Variants in CELSR1 observed in about 807,000 individuals in gnomAD.
The protein encoded by CELSR1 is adhesion G protein-coupled receptor C1.
Under a neutral mutation model 249.1 loss-of-function variants are expected in CELSR1, and 110 were observed. The observed-to-expected ratio is 0.44, with a 90% CI of 0.38 to 0.52. The LOEUF (loss-of-function observed/expected upper bound fraction) is 0.52, where lower values mean the gene tolerates loss of function less well. Among genes scored for constraint, CELSR1 ranks in the 20% least tolerant of loss-of-function variants. The pLI is 0.00. For missense variants in CELSR1, 4,109 were observed against 4,296.4 expected (o/e 0.96, Z 1.22); for synonymous variants, 2,113 against 1,900.0 (o/e 1.11, Z -2.92).
At position 46,366,345 on chromosome 22, in the gene CELSR1, G is replaced by A. The variant is rs1450693680; in HGVS notation, c.8300+41C>T. Reference sequence around the variant, plus strand: ...GGTGGCAGGGGCAAAACCTGAGGGAGTTCGAGAGCCACCTCCCCGAACCCG... The same window carrying A: ...GGTGGCAGGGGCAAAACCTGAGGGAATTCGAGAGCCACCTCCCCGAACCCG... On this transcript the variant is annotated intron_variant, in intron 30 of 34. Transcript: ENST00000674500. 44 of 1,463,540 alleles carry A rather than the reference G, an allele frequency of 3.0e-5. 1 individual carries two copies. The East Asian group carries it at 1.2e-3, about 40-fold the overall frequency. 90.7% of individuals were successfully genotyped at this position (1,463,540 alleles called of 1,614,324 possible).
rs1225118589 is a variant in CELSR1, at chr22:46,399,250, C to A, written c.5412+467G>T. 6.6e-6 allele frequency among the ~76,000 whole-genome samples: 1 copy of A among 152,196 alleles called. No homozygotes were observed. The highest frequency in any genetic ancestry group is 2.4e-5 in the African/African-American group (1 of 41,454). ...CCGAACATTGTCTGGGATACCACCA[C>A]CTGCCTGCCTGGGACATGTGTGGCT... On this transcript the variant is annotated intron_variant, in intron 10 of 34. Transcript: ENST00000674500. This position sits in a 1 kb window ranked among gnomAD's most constrained non-coding sequence, Gnocchi z 5.0.
At chr22:46,502,727 G>A (rs750237751) in intron 1 of CELSR1, among the ~76,000 whole-genome samples, 1 of 152,104 alleles carries the variant, frequency 6.6e-6, no homozygotes, top group Non-Finnish European at 1.5e-5. Flanking sequence ...CAAACCTGAG[G>A]TCACCAGGCA....
intron 26 of CELSR1, 29 bp downstream of exon 26, chr22:46,369,663 C>G: frequency 6.3e-7 from 1 of 1,595,342 alleles, no homozygotes; most frequent in Non-Finnish European, 8.6e-7. Context: ...TTTGGGGCAC[C>G]CGGACTCCCG....
chr22:46,536,808 G>C lies in CELSR1; in HGVS notation c.363C>G (p.Cys121Trp). The change falls in exon 1 of 35, where the codon TGC (cysteine) becomes TGG (tryptophan). Residue 121 changes from cysteine to tryptophan, a missense_variant. Around this residue, in one of 7 missense-constraint regions of CELSR1, gnomAD observed 673 missense variants for 636.8 expected, o/e 1.06. Transcript: ENST00000674500. ...CCCCGCAGAGCCGGGCACCGGTTCC[G>C]CAGAGCCGGGCACGGGCTCCGCAGC... ...LPGCGARARL[C>W]GTGARLCGAL... 8.3e-7 allele frequency: 1 copy of C among 1,198,156 alleles called. No individual in the cohort carries two copies. Among genetic ancestry groups the C allele is most frequent in the Non-Finnish European group, 1.0e-6 (1 of 967,972 alleles). 74.2% of individuals were successfully genotyped at this position (1,198,156 alleles called of 1,614,324 possible).
chr22:46,513,357 C>T (rs1036480232), intron 1 of CELSR1, among the ~76,000 whole-genome samples: 14 of 152,146 alleles, frequency 9.2e-5, no homozygotes, highest in Non-Finnish European at 1.9e-4. Flanking sequence ...AAAGCATTCC[C>T]CACGTGGGGT....
rs2079500328 is a variant in CELSR1, at chr22:46,423,381, G to A, written c.4611+10012C>T. 6.6e-6 allele frequency among the ~76,000 whole-genome samples: 1 copy of A among 151,788 alleles called. No homozygotes were observed. Among genetic ancestry groups the A allele is most frequent in the Non-Finnish European group, 1.5e-5 (1 of 67,942 alleles). ...CCCAGCACTTTGGGAGGCCGAGGGG[G>A]GCAGATCACCTGAGGTCAGGAGTTC... On this transcript the variant is annotated intron_variant, in intron 5 of 34. Coordinates refer to ENST00000674500, the MANE Select transcript of CELSR1 (RefSeq NM_001378328.1). The surrounding 1 kb of genome is among the most constrained non-coding windows in gnomAD (Gnocchi z 5.6).
chr22:46,536,520 G>A lies in CELSR1; in HGVS notation c.651C>T (p.Pro217=), dbSNP rs1160173166. Residue 217 remains proline (P), a synonymous_variant, in exon 1 of 35, where the codon CCC becomes CCT. Transcript: ENST00000674500. ...TPSASPSPSP[P]LPPNLPEARA... The stretch of plus-strand genomic sequence containing the variant: ...GGGCTTCGGGCAAGTTCGGCGGCAG[G>A]GGCGGCGATGGGGATGGCGACGCGG... 9.5e-6 allele frequency: 14 copies of A among 1,473,946 alleles called. No homozygotes were observed. The highest frequency in any genetic ancestry group is 1.3e-5 in the Non-Finnish European group (14 of 1,118,184). The allele number at this position is 1,473,946 out of a possible 1,614,324, so 91.3% of individuals were successfully genotyped here.
Position 46,537,469 on chromosome 22 carries a change from C to CGGCTCCAGGT in CELSR1, c.-309_-300dup, listed in dbSNP as rs1190507937. Among the ~76,000 whole-genome samples the CGGCTCCAGGT allele has an allele frequency of 6.7e-6, 1 of 149,216 alleles. No homozygotes were observed. The highest frequency in any genetic ancestry group is 1.5e-5 in the Non-Finnish European group (1 of 67,196). ...CTGCGGCGGCGGCGGCGGCTCCAGG[C>CGGCTCCAGGT]GGCTCCAGGTGGCTCCGGCGCGGGC... On this transcript the variant is annotated 5_prime_UTR_variant, in exon 1 of 35. Transcript: ENST00000674500. The surrounding 1 kb of genome is among the most constrained non-coding windows in gnomAD (Gnocchi z 5.8).
At chr22:46,524,790 A>G (rs1396208766) in intron 1 of CELSR1, among the ~76,000 whole-genome samples, 1 of 152,148 alleles carries the variant, frequency 6.6e-6, no homozygotes. Flanking sequence ...GTTTTCCTGA[A>G]AAATGCCCAT....
chr22:46,514,191 G>A (rs1027211446), intron 1 of CELSR1, among the ~76,000 whole-genome samples: 3 of 152,076 alleles, frequency 2.0e-5, no homozygotes, highest in Non-Finnish European at 4.4e-5. Flanking sequence ...AGAATCATCT[G>A]ACCTTGACTG....
At chr22:46,415,047 C>G (rs1478323469) in intron 5 of CELSR1, among the ~76,000 whole-genome samples, 1 of 152,214 alleles carries the variant, frequency 6.6e-6, no homozygotes, top group Non-Finnish European at 1.5e-5. Context: ...TGACTCCATT[C>G]CTACACAATG....
At chr22:46,382,896 A>G (rs1195905723) in intron 20 of CELSR1, among the ~76,000 whole-genome samples, 1 of 152,106 alleles carries the variant, frequency 6.6e-6, no homozygotes, top group Non-Finnish European at 1.5e-5. Context: ...TGGGGAGGAG[A>G]GTTAGTGTTT....
At chr22:46,379,023 C>T (rs776493523) in intron 22 of CELSR1, among the ~76,000 whole-genome samples, 7 of 152,220 alleles carry the variant, frequency 4.6e-5, no homozygotes, top group Non-Finnish European at 1.0e-4. Flanking sequence ...CAAGGAGCAC[C>T]CTCTGAAGTT....
chr22:46,523,864 C>A (rs9616036), intron 1 of CELSR1, among the ~76,000 whole-genome samples: 43,181 of 152,018 alleles, frequency 0.28, 7,351 homozygotes, highest in African/African-American at 0.48. Flanking sequence ...CATAAGAGAC[C>A]CCACAAGGAC....
chr22:46,423,605 C>CAAA lies in CELSR1; in HGVS notation c.4611+9787_4611+9788insTTT, dbSNP rs1555914495. On this transcript the variant is annotated intron_variant, in intron 5 of 34. Coordinates refer to ENST00000674500, the MANE Select transcript of CELSR1 (RefSeq NM_001378328.1). This position sits in a 1 kb window ranked among gnomAD's most constrained non-coding sequence, Gnocchi z 5.6. ...GGGCAACAGGAGCGAAACTTCGTCT[C>CAAA]AGAAAAAAAAAAAAAAAAAGACTCC... Among the ~76,000 whole-genome samples the CAAA allele has an allele frequency of 1.1e-5, 1 of 93,290 alleles. No individual in the cohort carries two copies. The highest frequency in any genetic ancestry group is 6.0e-5 in the African/African-American group (1 of 16,790). 61.2% of individuals were successfully genotyped at this position (93,290 alleles called of 152,430 possible).
chr22:46,444,865 C>T (rs1371929635), intron 2 of CELSR1, among the ~76,000 whole-genome samples: 2 of 152,204 alleles, frequency 1.3e-5, no homozygotes. Flanking sequence ...TCTCCAATCT[C>T]TGCTCTGTCC....
In CELSR1 at chr22:46,391,637, A is replaced by G; in HGVS notation, c.6144T>C (p.Cys2048=). The G allele has an allele frequency of 1.3e-6, 2 of 1,597,616 alleles. No individual in the cohort carries two copies. Among genetic ancestry groups the G allele is most frequent in the Non-Finnish European group, 8.5e-7 (1 of 1,175,254 alleles). The part of the protein sequence containing the change: ...NPFAEVTTLG[C]EVIYNGCPKA... ...GTGTCGAGGGGCAACGCGGACCTTC[A>G]CAGCCGAGCGTGGTGACCTCGGCAA... Residue 2048 remains cysteine (C), a synonymous_variant, in exon 15 of 35, where the codon TGT becomes TGC. Coordinates refer to ENST00000674500, the MANE Select transcript of CELSR1 (RefSeq NM_001378328.1). The surrounding 1 kb of genome is among the most constrained non-coding windows in gnomAD (Gnocchi z 4.3).
At position 46,372,952 on chromosome 22, in the gene CELSR1, G is replaced by A. The variant is rs767211972; in HGVS notation, c.7690C>T (p.Arg2564Cys). 8 of 1,613,354 alleles carry A rather than the reference G, an allele frequency of 5.0e-6. No individual in the cohort carries two copies. The highest frequency in any genetic ancestry group is 2.2e-5 in the East Asian group (1 of 44,874). The change falls in exon 25 of 35, where the codon CGC (arginine) becomes TGC (cysteine). Residue 2564 changes from arginine (R) to cysteine (C), a missense_variant. By Grantham distance (180) the Arg-to-Cys change is radical. Around this residue, in one of 7 missense-constraint regions of CELSR1, gnomAD observed 1,805 missense variants for 1,831.6 expected, o/e 0.99. Transcript: ENST00000674500. ...CGCATGGGCCCCGTGTCGATGTTGC[G>A]CACCTCGGTCAGCATGCGGTAGACA... ...LHVYRMLTEV[R>C]NIDTGPMRFY...
chr22:46,370,062 G>A (rs771432697), intron 25 of CELSR1: 2 of 571,106 alleles, frequency 3.5e-6, no homozygotes, highest in Non-Finnish European at 6.6e-6. Flanking sequence ...TGGGCCGGGG[G>A]CTGCTGAGGA....
Sources: gnomAD v4.1 joint callset for allele counts (sites outside exome capture counted in the v4.1 genomes callset) on GRCh38, gnomAD v4.1.1 for gene constraint, gnomAD v4.1.1 regional missense constraint, Gnocchi (gnomAD v3.1) non-coding constraint, MANE v1.5 for transcripts, NCBI Gene and HGNC (gene_info 2026-07-23, HGNC 2026-07-21) for gene names.